Variants in CFDP1 observed in about 807,000 individuals in gnomAD.
CFDP1 encodes heterochromatin-stabilizing protein CFDP1.
In CFDP1, 31 loss-of-function variants were observed where a neutral mutation model predicts 40.1. That is an observed-to-expected ratio of 0.77 (90% confidence interval 0.58 to 1.04). The LOEUF (loss-of-function observed/expected upper bound fraction) is 1.04, where lower values mean the gene tolerates loss of function less well. Ranked by LOEUF, CFDP1 falls within the 50% of genes least tolerant of loss-of-function variation. The pLI is 0.00. For missense variants in CFDP1, 423 were observed against 343.4 expected (o/e 1.23, Z -1.83); for synonymous variants, 167 against 120.0 (o/e 1.39, Z -2.56).
chr16:75,397,811 AAAT>A (rs749230058), intron 4 of CFDP1, among the ~76,000 whole-genome samples: 8 of 152,002 alleles, frequency 5.3e-5, no homozygotes, highest in Non-Finnish European at 1.2e-4. Context: ...CTCAAAAAAT[AAAT>A]AAATAAATAA....
chr16:75,307,284 C>T lies in CFDP1; in HGVS notation c.651-2102G>A, dbSNP rs189932104. 6.6e-3 allele frequency among the ~76,000 whole-genome samples: 996 copies of T among 152,036 alleles called. 9 individuals carry two copies. Among genetic ancestry groups the T allele is most frequent in the Middle Eastern group, 0.017 (5 of 294 alleles). ...AGGCTGGAGTGCAGATGCGTGATCT[C>T]GGCTCACTGCAACCTCCGCCTCCCG... On this transcript the variant is annotated intron_variant, in intron 5 of 6. Coordinates refer to ENST00000283882, the MANE Select transcript of CFDP1 (RefSeq NM_006324.3).
chr16:75,404,549 G>A (rs1237290773), intron 4 of CFDP1, among the ~76,000 whole-genome samples: 1 of 152,022 alleles, frequency 6.6e-6, no homozygotes, highest in Non-Finnish European at 1.5e-5. Context: ...GATACTGGTG[G>A]CCTAACTTAT....
At chr16:75,380,146 AAAAG>A (rs1286264593) in intron 5 of CFDP1, 1 of 152,246 alleles carries the variant, frequency 6.6e-6, no homozygotes, top group Non-Finnish European at 1.5e-5. Context: ...TGAAAAAAAA[AAAAG>A]AAAGAAAAGC....
chr16:75,345,192 C>T (rs924287676), intron 5 of CFDP1, among the ~76,000 whole-genome samples: 1 of 151,944 alleles, frequency 6.6e-6, no homozygotes, highest in African/African-American at 2.4e-5. Context: ...AGCAGTGGCT[C>T]ACACCTATAA....
chr16:75,349,774 A>T (rs568104923), intron 5 of CFDP1, among the ~76,000 whole-genome samples: 5 of 142,340 alleles, frequency 3.5e-5, no homozygotes, highest in African/African-American at 1.3e-4. Context: ...CATTAGTTCT[A>T]ATCAATTTTT....
intron 5 of CFDP1, among the ~76,000 whole-genome samples, chr16:75,314,812 C>T (rs532357819): frequency 4.6e-5 from 7 of 152,202 alleles, no homozygotes; most frequent in South Asian, 2.1e-4. Context: ...AGTGCAGTGG[C>T]GCGATCTCAG....
chr16:75,361,753 T>TA (rs2078680898), intron 5 of CFDP1, among the ~76,000 whole-genome samples: 1 of 152,220 alleles, frequency 6.6e-6, no homozygotes, highest in African/African-American at 2.4e-5. Flanking sequence ...CCTCCATAAA[T>TA]ACACTGTAGA....
At chr16:75,424,853 G>A (rs2079318709) in intron 1 of CFDP1, among the ~76,000 whole-genome samples, 1 of 151,768 alleles carries the variant, frequency 6.6e-6, no homozygotes, top group African/African-American at 2.4e-5. Context: ...AACAAGGCAA[G>A]CAAAATAAAT....
In CFDP1 at chr16:75,393,775, T is replaced by TGA. The variant is rs2078972962; in HGVS notation, c.650+1314_650+1315insTC. The stretch of plus-strand genomic sequence containing the variant: ...AAAAAAAAAAAAAAAAAAAAAAAAG[T>TGA]GGGGCCGGGCCCGGTGGCTCACGCC... On this transcript the variant is annotated intron_variant, in intron 5 of 6. Transcript: ENST00000283882. Among the ~76,000 whole-genome samples, 2 of 95,468 alleles carry TGA rather than the reference T, an allele frequency of 2.1e-5. 1 individual carries two copies. The highest frequency in any genetic ancestry group is 3.9e-5 in the Non-Finnish European group (2 of 50,702). 62.6% of individuals were successfully genotyped at this position (95,468 alleles called of 152,430 possible).
chr16:75,307,891 A>G (rs979864850), intron 5 of CFDP1, among the ~76,000 whole-genome samples: 2 of 152,192 alleles, frequency 1.3e-5, no homozygotes, highest in Non-Finnish European at 2.9e-5. Context: ...TTCCTCCAGG[A>G]AGCCTTCCCT....
At chr16:75,353,371 A>C (rs2078625612) in intron 5 of CFDP1, among the ~76,000 whole-genome samples, 2 of 152,226 alleles carry the variant, frequency 1.3e-5, no homozygotes, top group Non-Finnish European at 2.9e-5. Context: ...ATTTTTAGAT[A>C]TATATCAAAA....
intron 5 of CFDP1, among the ~76,000 whole-genome samples, chr16:75,385,867 A>G (rs1295561660): frequency 1.3e-5 from 2 of 152,176 alleles, no homozygotes; most frequent in African/African-American, 2.4e-5. Context: ...CTTGCTCCCA[A>G]ATCAATTTAT....
chr16:75,313,155 C>T (rs765635606), intron 5 of CFDP1, among the ~76,000 whole-genome samples: 6 of 152,294 alleles, frequency 3.9e-5, no homozygotes, highest in Non-Finnish European at 8.8e-5. Flanking sequence ...ACTCTGCTTA[C>T]TTCAGACCTT....
At chr16:75,394,657 G>GTTTTTTTTT (rs1567670026) in intron 5 of CFDP1, 1 of 58,568 alleles carries the variant, frequency 1.7e-5, no homozygotes. Flanking sequence ...AATTTTCTTC[G>GTTTTTTTTT]CTTTTTTTTT....
chr16:75,334,130 C>T (rs1280665029), intron 5 of CFDP1, among the ~76,000 whole-genome samples: 1 of 152,078 alleles, frequency 6.6e-6, no homozygotes, highest in Non-Finnish European at 1.5e-5. Flanking sequence ...AGATCATCTT[C>T]AAGGGCCAAT....
intron 4 of CFDP1, among the ~76,000 whole-genome samples, chr16:75,410,411 T>C (rs1011338952): frequency 6.6e-6 from 1 of 152,198 alleles, no homozygotes; most frequent in Non-Finnish European, 1.5e-5. Flanking sequence ...GCTCAAGGCA[T>C]TAAGCCCTTA....
chr16:75,430,919 A>C (rs1365899981), intron 1 of CFDP1, among the ~76,000 whole-genome samples: 1 of 152,222 alleles, frequency 6.6e-6, no homozygotes. Flanking sequence ...ATCATGGCCC[A>C]AAACAGTCTC....
At chr16:75,313,331 G>A (rs576421196) in intron 5 of CFDP1, among the ~76,000 whole-genome samples, 1 of 152,114 alleles carries the variant, frequency 6.6e-6, no homozygotes, top group South Asian at 2.1e-4. Context: ...AGGCATGTGA[G>A]AGTTTTTTTT....
chr16:75,361,071 G>A (rs568269635), intron 5 of CFDP1, among the ~76,000 whole-genome samples: 30 of 152,070 alleles, frequency 2.0e-4, no homozygotes, highest in Admixed American at 1.0e-3. Flanking sequence ...GTGTAGTGGC[G>A]TGATCTTGGC....
Sources: gnomAD v4.1 joint callset for allele counts (sites outside exome capture counted in the v4.1 genomes callset) on GRCh38, gnomAD v4.1.1 for gene constraint, MANE v1.5 for transcripts, NCBI Gene and HGNC (gene_info 2026-07-23, HGNC 2026-07-21) for gene names.